The following TMEM178B variants were observed in gnomAD, a reference collection of about 807,000 sequenced individuals.
The protein encoded by TMEM178B is transmembrane protein 178B.
In TMEM178B, 5 loss-of-function variants were observed where a neutral mutation model predicts 31.0. That is an observed-to-expected ratio of 0.16 (90% CI 0.08 to 0.34). The LOEUF (loss-of-function observed/expected upper bound fraction) is 0.34. TMEM178B is among the 10% of genes least tolerant of loss of function. TMEM178B has a pLI of 1.00. For synonymous variants in TMEM178B, 164 were observed against 164.0 expected (o/e 1.00, Z 0.00); for missense variants, 275 against 400.3 (o/e 0.69, Z 2.67).
chr7:141,378,460 G>A (rs1006557629), intron 2 of TMEM178B, among the ~76,000 whole-genome samples: 3 of 152,130 alleles, frequency 2.0e-5, no homozygotes, highest in African/African-American at 7.2e-5. Context: ...CAAAACCAGA[G>A]CACTCATTAA....
At chr7:141,409,973 A>C (rs895958909) in intron 2 of TMEM178B, among the ~76,000 whole-genome samples, 2 of 152,028 alleles carry the variant, frequency 1.3e-5, no homozygotes, top group African/African-American at 4.8e-5. Context: ...TGTATCTTGG[A>C]GCCATCTCTT....
At chr7:141,255,054 G>C (rs1797904311) in intron 2 of TMEM178B, among the ~76,000 whole-genome samples, 1 of 152,204 alleles carries the variant, frequency 6.6e-6, no homozygotes, top group Non-Finnish European at 1.5e-5. Context: ...ACACAACTAA[G>C]AAGGAAGAAA....
intron 2 of TMEM178B, among the ~76,000 whole-genome samples, chr7:141,404,191 G>A (rs1306840951): frequency 6.6e-6 from 1 of 152,190 alleles, no homozygotes; most frequent in Non-Finnish European, 1.5e-5. Flanking sequence ...TGTAGTCCCA[G>A]CTACTCAGGT....
intron 2 of TMEM178B, among the ~76,000 whole-genome samples, chr7:141,342,995 C>T (rs1799545032): frequency 6.6e-6 from 1 of 152,240 alleles, no homozygotes; most frequent in African/African-American, 2.4e-5. Flanking sequence ...GTATGGGACT[C>T]ACCCGGATGG....
intron 1 of TMEM178B, among the ~76,000 whole-genome samples, chr7:141,168,132 T>A (rs1796290515): frequency 6.6e-6 from 1 of 152,186 alleles, no homozygotes; most frequent in South Asian, 2.1e-4. Context: ...AGTCCCATAG[T>A]GTTTAAGTGA....
At chr7:141,214,433 A>G (rs899040359) in intron 2 of TMEM178B, among the ~76,000 whole-genome samples, 12 of 152,214 alleles carry the variant, frequency 7.9e-5, no homozygotes, top group African/African-American at 2.9e-4. Context: ...ATGGGGAGAG[A>G]CATTCATAAT....
chr7:141,336,092 G>T (rs1419766785), intron 2 of TMEM178B, among the ~76,000 whole-genome samples: 1 of 152,204 alleles, frequency 6.6e-6, no homozygotes, highest in African/African-American at 2.4e-5. Flanking sequence ...GCCACGGGCA[G>T]ACTTGGAGAG....
At chr7:141,102,235 G>A (rs758350208) in intron 1 of TMEM178B, among the ~76,000 whole-genome samples, 8 of 152,282 alleles carry the variant, frequency 5.3e-5, no homozygotes, top group Middle Eastern at 3.4e-3. Flanking sequence ...ACTGTAATCC[G>A]ATAGAGAAAG....
At chr7:141,434,462 G>T (rs748434270) in intron 2 of TMEM178B, among the ~76,000 whole-genome samples, 1 of 152,208 alleles carries the variant, frequency 6.6e-6, no homozygotes, top group Non-Finnish European at 1.5e-5. Context: ...GAAGATGAAT[G>T]TGCTGACCGT....
At chr7:141,217,803 T>C (rs1484784668) in intron 2 of TMEM178B, among the ~76,000 whole-genome samples, 1 of 151,994 alleles carries the variant, frequency 6.6e-6, no homozygotes, top group Non-Finnish European at 1.5e-5. Context: ...CTCATTCTGC[T>C]TGGCGTTTTC....
At chr7:141,121,590 GT>G (rs1392736938) in intron 1 of TMEM178B, among the ~76,000 whole-genome samples, 1 of 152,110 alleles carries the variant, frequency 6.6e-6, no homozygotes, top group Non-Finnish European at 1.5e-5. Flanking sequence ...TAAAAAGGGT[GT>G]GCATTTTTGA....
chr7:141,320,527 T>A (rs1799079893), intron 2 of TMEM178B, among the ~76,000 whole-genome samples: 1 of 152,136 alleles, frequency 6.6e-6, no homozygotes, highest in Non-Finnish European at 1.5e-5. Context: ...GTCTGGCCCG[T>A]CTCACCTTGG....
chr7:141,110,272 A>G (rs765903989), intron 1 of TMEM178B, among the ~76,000 whole-genome samples: 5 of 152,236 alleles, frequency 3.3e-5, no homozygotes, highest in Non-Finnish European at 7.3e-5. Context: ...CCCTTCCCCC[A>G]AGGGCTTATA....
At chr7:141,211,880 G>A (rs1797057676) in intron 1 of TMEM178B, among the ~76,000 whole-genome samples, 1 of 152,160 alleles carries the variant, frequency 6.6e-6, no homozygotes, top group Non-Finnish European at 1.5e-5. Context: ...CTGAGAAGTT[G>A]CACTTGTAGC....
At chr7:141,281,241 G>A (rs572542632) in intron 2 of TMEM178B, among the ~76,000 whole-genome samples, 81 of 152,322 alleles carry the variant, frequency 5.3e-4, no homozygotes, top group African/African-American at 1.9e-3. Context: ...GAAAATCACG[G>A]AGTGGAATTT....
chr7:141,450,501 A>G (rs1801843726), intron 3 of TMEM178B, among the ~76,000 whole-genome samples: 1 of 152,126 alleles, frequency 6.6e-6, no homozygotes, highest in Admixed American at 6.5e-5. Flanking sequence ...AAAACAAAAG[A>G]ATTTTGTGTT....
chr7:141,385,346 A>C (rs982238803), intron 2 of TMEM178B, among the ~76,000 whole-genome samples: 1 of 152,174 alleles, frequency 6.6e-6, no homozygotes, highest in Non-Finnish European at 1.5e-5. Flanking sequence ...GCCCTGCCAT[A>C]AGATGGTCTG....
chr7:141,510,997 T>G, the TMEM178B span, among the ~76,000 whole-genome samples: 13 of 152,096 alleles, frequency 8.5e-5, no homozygotes, highest in African/African-American at 3.1e-4. Context: ...AGTGATGAAG[T>G]GGTTTTTCTA....
rs1239272562 is a variant in TMEM178B, at chr7:141,480,324, G to A, written c.*9538G>A. 2.0e-5 allele frequency: 3 copies of A among 152,202 alleles called. No individual in the cohort carries two copies. The highest frequency in any genetic ancestry group is 4.4e-5 in the Non-Finnish European group (3 of 68,038). 9.4% of individuals were successfully genotyped at this position (152,202 alleles called of 1,614,324 possible). A position where few individuals can be genotyped will look rare whatever the true frequency, so the allele number is the denominator to read the frequency against. The stretch of plus-strand genomic sequence containing the variant: ...GGAAAAAATAAATAATCTGTCAGTT[G>A]TGGAATGTAAACTGATTAAACAATT... On this transcript the variant is annotated 3_prime_UTR_variant, in exon 4 of 4. Coordinates refer to ENST00000565468, the MANE Select transcript of TMEM178B (RefSeq NM_001195278.2).
Sources: allele counts gnomAD v4.1 joint callset (sites outside exome capture counted in the v4.1 genomes callset), GRCh38; gene constraint gnomAD v4.1.1; transcripts MANE v1.5; gene names NCBI Gene and HGNC (gene_info 2026-07-23, HGNC 2026-07-21).